The following TADA2A variants were observed in gnomAD, a reference collection of about 807,000 sequenced individuals.
The protein encoded by TADA2A is transcriptional adaptor 2A.
In TADA2A, 38 loss-of-function variants were observed where a neutral mutation model predicts 67.4. That is an observed-to-expected ratio of 0.56 (90% CI 0.44 to 0.74). The LOEUF (loss-of-function observed/expected upper bound fraction) is 0.74, where lower values mean the gene tolerates loss of function less well. Ranked by LOEUF, TADA2A falls within the 30% of genes least tolerant of loss-of-function variation. The pLI is 0.00. For synonymous variants in TADA2A, 192 were observed against 181.6 expected (o/e 1.06, Z -0.46); for missense variants, 454 against 547.0 (o/e 0.83, Z 1.70).
chr17:37,418,583 A>G (rs558768958), intron 2 of TADA2A, among the ~76,000 whole-genome samples: 1 of 151,366 alleles, frequency 6.6e-6, no homozygotes, highest in African/African-American at 2.4e-5. Flanking sequence ...ATGATATTCC[A>G]CTTTTTCTTT....
intron 4 of TADA2A, among the ~76,000 whole-genome samples, chr17:37,437,313 G>A (rs965124775): frequency 5.3e-5 from 8 of 151,594 alleles, no homozygotes; most frequent in Non-Finnish European, 8.8e-5. Flanking sequence ...GGATGGTCTC[G>A]ATCTCCTGAC....
Position 37,420,701 on chromosome 17 carries a change from T to G in TADA2A, c.26-2808T>G, listed in dbSNP as rs1415499566. On this transcript the variant is annotated intron_variant, in intron 2 of 15. Transcript: ENST00000615182. ...AGCCACCGTGCCTACTCTCTCTATC[T>G]TCTTAAAAACAAATAAAGAGAACAG... Among the ~76,000 whole-genome samples the G allele has an allele frequency of 2.0e-5, 3 of 146,572 alleles. 1 individual carries two copies. Among genetic ancestry groups the G allele is most frequent in the Non-Finnish European group, 3.0e-5 (2 of 65,678 alleles).
rs193124842 is a variant in TADA2A at position 37,464,690 on chromosome 17, A to T, written c.713-741A>T. On this transcript the variant is annotated intron_variant, in intron 10 of 15. Coordinates refer to ENST00000615182, the MANE Select transcript of TADA2A (RefSeq NM_001166105.3). ...CCTCGTCTCTACTAAAATACAAAAA[A>T]TTAGTCGAGCATGGCGGTGTGCCTG... Among the ~76,000 whole-genome samples, 5 of 151,568 alleles carry T rather than the reference A, an allele frequency of 3.3e-5. No homozygotes were observed. The East Asian group carries it at 9.7e-4, about 29-fold the overall frequency.
At chr17:37,433,144 AGT>A (rs2052621940) in intron 4 of TADA2A, among the ~76,000 whole-genome samples, 3 of 151,642 alleles carry the variant, frequency 2.0e-5, no homozygotes, top group Non-Finnish European at 1.5e-5. Context: ...ATAGAAATAG[AGT>A]TTTGCCATGT....
intron 8 of TADA2A, among the ~76,000 whole-genome samples, chr17:37,451,140 G>A (rs538054894): frequency 6.6e-6 from 1 of 151,750 alleles, no homozygotes; most frequent in Admixed American, 6.6e-5. Context: ...TGATCCTTCC[G>A]CCTTAGCCTC....
intron 2 of TADA2A, among the ~76,000 whole-genome samples, chr17:37,423,075 C>T (rs2052294286): frequency 6.6e-6 from 1 of 151,950 alleles, no homozygotes; most frequent in African/African-American, 2.4e-5. Context: ...ATCGTCTCTA[C>T]AAAAAATTAA....
At chr17:37,476,722 T>C in intron 15 of TADA2A, 75 bp from the exon 16 acceptor site, 5 of 1,525,528 alleles carry the variant, frequency 3.3e-6, no homozygotes, top group Non-Finnish European at 4.4e-6. Flanking sequence ...TTTAAAAAAT[T>C]TTTTGCTATA....
chr17:37,421,308 T>C (rs997730662), intron 2 of TADA2A, among the ~76,000 whole-genome samples: 9 of 145,720 alleles, frequency 6.2e-5, no homozygotes, highest in African/African-American at 1.7e-4. Flanking sequence ...CCTGGGGAGA[T>C]TGAAGCCACA....
At chr17:37,466,467 A>G (rs1039721566) in intron 11 of TADA2A, among the ~76,000 whole-genome samples, 1 of 152,212 alleles carries the variant, frequency 6.6e-6, no homozygotes, top group Non-Finnish European at 1.5e-5. Context: ...TGTTAAAATA[A>G]TATGGACTCT....
chr17:37,468,393 G>C (rs1314095968), intron 12 of TADA2A, among the ~76,000 whole-genome samples: 5 of 152,152 alleles, frequency 3.3e-5, no homozygotes, highest in Non-Finnish European at 5.9e-5. Flanking sequence ...GAGCTAGTTA[G>C]TACTAGAACC....
chr17:37,432,925 ATTTTTTTTTTTTTTTT>A (rs1046006991), intron 4 of TADA2A, among the ~76,000 whole-genome samples: 5 of 52,210 alleles, frequency 9.6e-5, no homozygotes, highest in Non-Finnish European at 1.7e-4. Context: ...TGGTATTACA[ATTTTTTTTTTTTTTTT>A]TTTTTTTTTT....
chr17:37,471,237 CT>C, intron 14 of TADA2A, 100 bp downstream of exon 14: 1 of 1,246,876 alleles, frequency 8.0e-7, no homozygotes, highest in South Asian at 1.3e-5. Flanking sequence ...TGTCAGGGTG[CT>C]TAGGCAGAGT....
At chr17:37,415,815 A>T (rs1297044137) in intron 2 of TADA2A, among the ~76,000 whole-genome samples, 2 of 149,322 alleles carry the variant, frequency 1.3e-5, no homozygotes, top group African/African-American at 4.9e-5. Context: ...CAGAGGTTGC[A>T]GTGAGCCAAG....
intron 2 of TADA2A, among the ~76,000 whole-genome samples, chr17:37,414,476 A>G (rs949072819): frequency 1.3e-5 from 2 of 152,078 alleles, no homozygotes; most frequent in African/African-American, 4.8e-5. Context: ...GTACTTTTAC[A>G]AGGGAGTCAT....
intron 2 of TADA2A, among the ~76,000 whole-genome samples, chr17:37,412,964 A>G (rs1381939911): frequency 6.6e-6 from 1 of 151,792 alleles, no homozygotes; most frequent in Admixed American, 6.6e-5. Context: ...GTCTTGCTGC[A>G]TTACCCAGGC....
At chr17:37,465,315 A>G (rs1408477609) in intron 10 of TADA2A, 116 bp from the exon 11 acceptor site, 4 of 729,402 alleles carry the variant, frequency 5.5e-6, no homozygotes, top group Non-Finnish European at 9.1e-6. Flanking sequence ...TAAGTTAGTC[A>G]TATGAGGTTA....
At chr17:37,427,703 GGCACAGTAACTCAC>G (rs1398935246) in intron 4 of TADA2A, among the ~76,000 whole-genome samples, 1 of 143,588 alleles carries the variant, frequency 7.0e-6, no homozygotes, top group African/African-American at 2.6e-5. Flanking sequence ...TTGTTGGCCA[GGCACAGTAACTCAC>G]GCCTGTAATC....
At chr17:37,457,402 A>AACTCCTGACCTCAAGTGATCC (rs1162602942) in intron 8 of TADA2A, among the ~76,000 whole-genome samples, 1 of 150,758 alleles carries the variant, frequency 6.6e-6, no homozygotes, top group African/African-American at 2.4e-5. Context: ...GCTGATCTTG[A>AACTCCTGACCTCAAGTGATCC]ACTCCTGACC....
At chr17:37,467,607 T>A in intron 12 of TADA2A, 82 bp downstream of exon 12, 1 of 1,198,580 alleles carries the variant, frequency 8.3e-7, no homozygotes, top group Non-Finnish European at 1.2e-6. Context: ...TTGTTGTGAA[T>A]TTTTTTTTAA....
Sources: gnomAD v4.1 joint callset for allele counts (sites outside exome capture counted in the v4.1 genomes callset) on GRCh38, gnomAD v4.1.1 for gene constraint, MANE v1.5 for transcripts, NCBI Gene and HGNC (gene_info 2026-07-23, HGNC 2026-07-21) for gene names.